Variants in CDK11A observed in about 807,000 individuals in gnomAD.
The protein encoded by CDK11A is cyclin dependent kinase 11A, also known as cyclin-dependent kinase 11A.
CDK11A carries 55 observed loss-of-function variants against 83.6 expected under a neutral mutation model. The ratio of observed to expected loss-of-function variants is 0.66; its 90% CI spans 0.53 to 0.82. CDK11A has a LOEUF of 0.82. CDK11A is among the 40% of genes least tolerant of loss of function. The probability of loss-of-function intolerance (pLI) is 0.00; values close to 1 mark genes in which losing one functional copy is unlikely to be tolerated. For missense variants in CDK11A, 564 were observed against 810.1 expected, an observed-to-expected ratio of 0.70 and a Z score of 3.69; for synonymous variants, 247 against 302.7, an observed-to-expected ratio of 0.82 and a Z score of 1.91.
In CDK11A at chr1:1,704,504, A is replaced by T. The variant is rs1534950; in HGVS notation, c.1564+46T>A. 19 of 1,581,346 alleles carry T rather than the reference A, an allele frequency of 1.2e-5. 1 individual carries two copies. Among genetic ancestry groups the T allele is most frequent in the Non-Finnish European group, 1.6e-5 (19 of 1,163,962 alleles). On this transcript the variant is annotated intron_variant, in intron 14 of 19. Coordinates refer to ENST00000404249, the MANE Select transcript of CDK11A (RefSeq NM_024011.4). ...CTGTCACCGCGGGGGTGACCAGGACACTGCCCCCACTTGTACGCAGACAGG... is the reference window on the plus strand; with the variant it reads ...CTGTCACCGCGGGGGTGACCAGGACTCTGCCCCCACTTGTACGCAGACAGG...
At chr1:1,723,229 C>T (rs1250133722) in intron 1 of CDK11A, among the ~76,000 whole-genome samples, 2 of 53,156 alleles carry the variant, frequency 3.8e-5, no homozygotes, top group Admixed American at 2.7e-4. Flanking sequence ...CAAAGTAAGA[C>T]TTGGTTAAAA....
At position 1,724,311 on chromosome 1, in the gene CDK11A, T is replaced by G. The variant is rs1137009; in HGVS notation, c.-67A>C. On this transcript the variant is annotated 5_prime_UTR_variant, in exon 1 of 20. Coordinates refer to ENST00000404249, the MANE Select transcript of CDK11A (RefSeq NM_024011.4). ...CCTGAGAAGAAACAGCAACCGGCGCTCGCCAGAAGTATCCTCACTTCCTGT... is the reference window on the plus strand; with the variant it reads ...CCTGAGAAGAAACAGCAACCGGCGCGCGCCAGAAGTATCCTCACTTCCTGT... The G allele has an allele frequency of 1.1e-4, 17 of 151,706 alleles. 1 individual carries two copies. The highest frequency in any genetic ancestry group is 2.4e-4 in the Non-Finnish European group (16 of 67,824). The allele number at this position is 151,706 out of a possible 1,614,324, so 9.4% of individuals were successfully genotyped here.
At chr1:1,724,176 C>T (rs1226246866) in intron 1 of CDK11A, 82 bp downstream of exon 1, 1 of 150,858 alleles carries the variant, frequency 6.6e-6, no homozygotes, top group Non-Finnish European at 1.5e-5. Context: ...GTCCGCCCCG[C>T]TCCGAGGCCT....
chr1:1,703,740 C>T, intron 17 of CDK11A, 84 bp downstream of exon 17: 1 of 1,564,726 alleles, frequency 6.4e-7, no homozygotes, highest in Non-Finnish European at 8.7e-7. Context: ...GTCCCCATCT[C>T]AACCCAGCAC....
Position 1,703,849 on chromosome 1 carries a change from A to G in CDK11A, c.1886T>C (p.Ile629Thr), listed in dbSNP as rs1210692642. 1 of 1,609,522 alleles carries G rather than the reference A, an allele frequency of 6.2e-7. No individual in the cohort carries two copies. Among genetic ancestry groups the G allele is most frequent in the East Asian group, 2.2e-5 (1 of 44,812 alleles). Reference sequence around the variant, plus strand: ...CTTGAACACTTTGTTGATCTGATCGATTTCCGAATTCCCGGGGAACAGAGG... The same window carrying G: ...CTTGAACACTTTGTTGATCTGATCGGTTTCCGAATTCCCGGGGAACAGAGG... ...QKPLFPGNSE[I>T]DQINKVFKEL... The change falls in exon 17 of 20, where the codon ATC (isoleucine) becomes ACC (threonine). Residue 629 changes from isoleucine (I) to threonine (T), a missense_variant. Physicochemically the swap from Ile to Thr is moderately conservative, Grantham distance 89. Around this residue, in one of 5 missense-constraint regions of CDK11A, gnomAD observed 361 missense variants for 402.7 expected, o/e 0.90. Coordinates refer to ENST00000404249, the MANE Select transcript of CDK11A (RefSeq NM_024011.4).
In CDK11A at chr1:1,704,158, G is replaced by T; in HGVS notation, c.1687-12C>A. On this transcript the variant is annotated splice_polypyrimidine_tract_variant and intron_variant, in intron 15 of 19. Transcript: ENST00000404249. Reference sequence around the variant, plus strand: ...CCAAAATCACCCACCTGCAACGACAGATGGGCGGCTGTGGGTGGGCCTGGG... The same window carrying T: ...CCAAAATCACCCACCTGCAACGACATATGGGCGGCTGTGGGTGGGCCTGGG... 6.2e-7 allele frequency: 1 copy of T among 1,607,120 alleles called. No homozygotes were observed. The highest frequency in any genetic ancestry group is 8.5e-7 in the Non-Finnish European group (1 of 1,175,902).
In CDK11A at chr1:1,721,610, G is replaced by A. The variant is rs1395003968; in HGVS notation, c.213C>T (p.Asp71=). 1.2e-6 allele frequency: 2 copies of A among 1,607,226 alleles called. No homozygotes were observed. Among genetic ancestry groups the A allele is most frequent in the Non-Finnish European group, 1.7e-6 (2 of 1,174,894 alleles). Residue 71 remains aspartate (D), a synonymous_variant, in exon 3 of 20, where the codon GAC becomes GAT. Coordinates refer to ENST00000404249, the MANE Select transcript of CDK11A (RefSeq NM_024011.4). ...TIRNSPYRRE[D]SMEDRGEEDD... ...CATCCGCTCACCTGTCTTCCATTGA[G>A]TCTTCTCTTCTATACGGGGAGTTCC...
intron 4 of CDK11A, among the ~76,000 whole-genome samples, chr1:1,717,664 C>G (rs1305940465): frequency 7.2e-6 from 1 of 137,962 alleles, no homozygotes; most frequent in African/African-American, 2.6e-5. Context: ...ATGCTTTCAG[C>G]TAGAGTTTGC....
At chr1:1,722,415 G>A (rs1369555051) in intron 2 of CDK11A, 4 of 560,820 alleles carry the variant, frequency 7.1e-6, no homozygotes, top group African/African-American at 1.8e-5. Context: ...AAAATACTTA[G>A]AGATAGTATT....
rs1284627612 is a variant in CDK11A at position 1,715,723 on chromosome 1, T to C, written c.488+623A>G. Among the ~76,000 whole-genome samples, 7 of 151,280 alleles carry C rather than the reference T, an allele frequency of 4.6e-5. No individual in the cohort carries two copies. The Admixed American group carries it at 4.6e-4, about 10-fold the overall frequency. ...TCTTCCTGGAGCAGCTTGCAAGCTT[T>C]CTGTGGACTCACTCTGAAGGCGGAG... On this transcript the variant is annotated intron_variant, in intron 5 of 19. Transcript: ENST00000404249.
chr1:1,717,873 C>G (rs908382630), intron 4 of CDK11A, among the ~76,000 whole-genome samples: 5 of 150,088 alleles, frequency 3.3e-5, no homozygotes, highest in African/African-American at 9.8e-5. Context: ...CACACGCATG[C>G]TTTCAGCTAG....
intron 5 of CDK11A, among the ~76,000 whole-genome samples, chr1:1,715,842 T>C (rs1415497021): frequency 6.6e-6 from 1 of 150,900 alleles, no homozygotes; most frequent in Non-Finnish European, 1.5e-5. Context: ...ATCTGGCTCA[T>C]AAAGGGGAAC....
At chr1:1,707,283 GC>G (rs1644352194) in intron 11 of CDK11A, 125 bp downstream of exon 11, 1 of 858,068 alleles carries the variant, frequency 1.2e-6, no homozygotes, top group African/African-American at 1.8e-5. Flanking sequence ...GCCCGTCACT[GC>G]CCCAGTGGGC....
intron 5 of CDK11A, among the ~76,000 whole-genome samples, chr1:1,713,004 G>C (rs550093147): frequency 2.8e-5 from 1 of 36,158 alleles, no homozygotes; most frequent in African/African-American, 4.7e-5. Flanking sequence ...TTTTTTTTGA[G>C]ACAGGGTCTT....
chr1:1,723,497 A>G (rs1262661366), intron 1 of CDK11A, among the ~76,000 whole-genome samples: 2 of 62,156 alleles, frequency 3.2e-5, no homozygotes, highest in African/African-American at 8.3e-5. Context: ...TCAAAAAAAA[A>G]AAAAAAAAAA....
chr1:1,720,754 C>T (rs537717996), intron 3 of CDK11A, among the ~76,000 whole-genome samples: 1 of 149,994 alleles, frequency 6.7e-6, no homozygotes, highest in Non-Finnish European at 1.5e-5. Context: ...TACAGAGGCA[C>T]AATCTTGGCT....
At chr1:1,719,531 C>A (rs1644819516) in intron 3 of CDK11A, 76 bp from the exon 4 acceptor site, 5 of 1,157,444 alleles carry the variant, frequency 4.3e-6, no homozygotes, top group East Asian at 3.6e-5. Context: ...GAGGTTTTTT[C>A]AACCCAGAAA....
At position 1,721,622 on chromosome 1, in the gene CDK11A, A is replaced by C. The variant is rs201926274; in HGVS notation, c.201T>G (p.Tyr67Ter). The C allele has an allele frequency of 4.4e-6, 7 of 1,607,426 alleles. No individual in the cohort carries two copies. The East Asian group carries it at 1.6e-4, about 36-fold the overall frequency. The change falls in exon 3 of 20, where the codon TAT becomes TAG. Residue 67 changes from tyrosine (Y) to a stop codon, truncating the protein, a stop_gained. Transcript: ENST00000404249. LOFTEE classifies it high-confidence loss of function. ...TGTCTTCCATTGAGTCTTCTCTTCT[A>C]TACGGGGAGTTCCTTATTGTGATCT... ...CMEITIRNSP[Y>*]RREDSMEDRG...
chr1:1,704,461 C>G, intron 14 of CDK11A, 89 bp downstream of exon 14: 1 of 1,538,498 alleles, frequency 6.5e-7, no homozygotes, highest in Non-Finnish European at 8.8e-7. Flanking sequence ...GTGGATGCAG[C>G]TGGCCCTCCC....
Sources: allele counts gnomAD v4.1 joint callset (sites outside exome capture counted in the v4.1 genomes callset), GRCh38; gene constraint gnomAD v4.1.1; regional missense constraint gnomAD v4.1.1; transcripts MANE v1.5; gene names NCBI Gene and HGNC (gene_info 2026-07-23, HGNC 2026-07-21).